The following DENND1A variants were observed in gnomAD, a reference collection of about 807,000 sequenced individuals.
The protein encoded by DENND1A is DENN domain containing 1A, also known as DENN domain-containing protein 1A.
DENND1A carries 51 observed loss-of-function variants against 113.7 expected under a neutral mutation model. The observed-to-expected ratio is 0.45, with a 90% CI of 0.36 to 0.57. The LOEUF (loss-of-function observed/expected upper bound fraction) is 0.57. Ranked by LOEUF, DENND1A falls within the 20% of genes least tolerant of loss-of-function variation. The pLI, the probability that DENND1A is intolerant of heterozygous loss-of-function variation, is 0.00. For missense variants in DENND1A, 1,258 were observed against 1,395.9 expected, an observed-to-expected ratio of 0.90 and a Z score of 1.57; for synonymous variants, 565 against 570.8, an observed-to-expected ratio of 0.99 and a Z score of 0.14.
intron 5 of DENND1A, among the ~76,000 whole-genome samples, chr9:123,709,567 T>C (rs2066451650): frequency 6.6e-6 from 1 of 152,170 alleles, no homozygotes; most frequent in South Asian, 2.1e-4. Flanking sequence ...CTTTAAGTTT[T>C]CCGTAGATCT....
intron 5 of DENND1A, among the ~76,000 whole-genome samples, chr9:123,746,972 A>C (rs2069564475): frequency 1.3e-5 from 2 of 152,184 alleles, no homozygotes; most frequent in African/African-American, 4.8e-5. Flanking sequence ...AGCTCAGCAG[A>C]AAACAGTATA....
At position 123,606,513 on chromosome 9, in the gene DENND1A, C is replaced by T. The variant is rs149206767; in HGVS notation, c.765+2923G>A. Among the ~76,000 whole-genome samples the T allele has an allele frequency of 2.5e-3, 382 of 152,286 alleles. 1 individual carries two copies. The highest frequency in any genetic ancestry group is 8.8e-3 in the African/African-American group (364 of 41,548). On this transcript the variant is annotated intron_variant, in intron 11 of 23. Transcript: ENST00000394215. The stretch of plus-strand genomic sequence containing the variant: ...TCTCAAGTTTCAGCTGCAAAATGTA[C>T]GCATATTTTACACTGCATGTTTTAC...
At chr9:123,465,046 G>A (rs1403673063) in intron 13 of DENND1A, among the ~76,000 whole-genome samples, 2 of 146,286 alleles carry the variant, frequency 1.4e-5, no homozygotes, top group Non-Finnish European at 3.0e-5. Context: ...GTGCAAACCT[G>A]TAGTCCCAGC....
Position 123,483,396 on chromosome 9 carries a change from AC to A in DENND1A, c.994-25500del, listed in dbSNP as rs549825834. ...CCAGTCCTCCCTTGGCTGCCAGATG[AC>A]CCCCACCATGGCAGCCTCCAGGAAC... On this transcript the variant is annotated intron_variant, in intron 13 of 23. Coordinates refer to ENST00000394215, the MANE Select transcript of DENND1A (RefSeq NM_001352964.2). 6.1e-3 allele frequency among the ~76,000 whole-genome samples: 935 copies of A among 152,286 alleles called. 13 individuals carry two copies. The highest frequency in any genetic ancestry group is 0.021 in the African/African-American group (888 of 41,580).
At chr9:123,557,805 A>C in intron 12 of DENND1A, 110 bp from the exon 13 acceptor site, 1 of 1,287,588 alleles carries the variant, frequency 7.8e-7, no homozygotes, top group Non-Finnish European at 1.1e-6. Context: ...GGCAGGATCC[A>C]TTTGATACCT....
chr9:123,606,273 T>A (rs2060150827), intron 11 of DENND1A, among the ~76,000 whole-genome samples: 1 of 152,206 alleles, frequency 6.6e-6, no homozygotes, highest in East Asian at 1.9e-4. Context: ...TCATAAAGTG[T>A]CTTGGCTGGT....
At chr9:123,395,355 TGG>T (rs999443489) in intron 21 of DENND1A, among the ~76,000 whole-genome samples, 1 of 152,000 alleles carries the variant, frequency 6.6e-6, no homozygotes, top group African/African-American at 2.4e-5. Context: ...GGATCCTGGG[TGG>T]GCAGAAGTGA....
At chr9:123,779,476 G>A (rs530598293) in intron 3 of DENND1A, among the ~76,000 whole-genome samples, 16 of 152,160 alleles carry the variant, frequency 1.1e-4, no homozygotes, top group Admixed American at 5.9e-4. Flanking sequence ...CTCCAGCTCC[G>A]GGTTCCTATT....
chr9:123,800,312 T>C (rs537572011), intron 2 of DENND1A, among the ~76,000 whole-genome samples: 1 of 152,346 alleles, frequency 6.6e-6, no homozygotes, highest in East Asian at 1.9e-4. Flanking sequence ...ACTAAACATT[T>C]TTGCAGTAAC....
At chr9:123,715,625 T>C (rs996462428) in intron 5 of DENND1A, among the ~76,000 whole-genome samples, 3 of 152,182 alleles carry the variant, frequency 2.0e-5, no homozygotes, top group African/African-American at 7.2e-5. Flanking sequence ...TCATCAACTA[T>C]ATGTCTAGAG....
At chr9:123,915,377 CAGA>C (rs1253186307) in intron 1 of DENND1A, among the ~76,000 whole-genome samples, 5 of 151,926 alleles carry the variant, frequency 3.3e-5, no homozygotes, top group African/African-American at 7.2e-5. Flanking sequence ...AGACAAATCA[CAGA>C]AGATTTGATT....
chr9:123,694,497 C>T (rs781446372), intron 5 of DENND1A, among the ~76,000 whole-genome samples: 9 of 152,210 alleles, frequency 5.9e-5, no homozygotes, highest in Non-Finnish European at 1.2e-4. Flanking sequence ...TCTGCATAGC[C>T]TAAAGGACAT....
intron 13 of DENND1A, among the ~76,000 whole-genome samples, chr9:123,466,110 T>C (rs1433098485): frequency 6.6e-6 from 1 of 152,166 alleles, no homozygotes; most frequent in Non-Finnish European, 1.5e-5. Context: ...ACCATTCTCC[T>C]GCCTCAGCCT....
chr9:123,900,894 T>C (rs188534499), intron 1 of DENND1A, among the ~76,000 whole-genome samples: 1 of 152,322 alleles, frequency 6.6e-6, no homozygotes, highest in Non-Finnish European at 1.5e-5. Flanking sequence ...ACCTTCTCCA[T>C]AGGATTGTTA....
intron 13 of DENND1A, among the ~76,000 whole-genome samples, chr9:123,470,405 G>A (rs137981959): frequency 5.9e-3 from 159 of 27,134 alleles, no homozygotes; most frequent in African/African-American, 0.018. Flanking sequence ...CCAGATTCCC[G>A]GTTTCAACAC....
intron 2 of DENND1A, among the ~76,000 whole-genome samples, chr9:123,853,373 T>A (rs995997910): frequency 6.6e-6 from 1 of 151,794 alleles, no homozygotes; most frequent in Admixed American, 6.6e-5. Context: ...ACTGAAATTA[T>A]GAGCTCTAGG....
intron 2 of DENND1A, among the ~76,000 whole-genome samples, chr9:123,858,578 C>T (rs1180847872): frequency 6.6e-6 from 1 of 152,014 alleles, no homozygotes; most frequent in Admixed American, 6.6e-5. Context: ...TGCTAGGTGA[C>T]TGGCAGTGGG....
chr9:123,541,535 A>G (rs1467864129), intron 13 of DENND1A, among the ~76,000 whole-genome samples: 2 of 152,252 alleles, frequency 1.3e-5, no homozygotes, highest in African/African-American at 2.4e-5. Flanking sequence ...ATGAGCAAAG[A>G]AAAGTCCCAA....
At chr9:123,860,212 A>G (rs1844862654) in intron 2 of DENND1A, among the ~76,000 whole-genome samples, 1 of 152,190 alleles carries the variant, frequency 6.6e-6, no homozygotes, top group Non-Finnish European at 1.5e-5. Context: ...AAGCCCTTAG[A>G]ACAAATTTTA....
Sources: allele counts gnomAD v4.1 joint callset (sites outside exome capture counted in the v4.1 genomes callset), GRCh38; gene constraint gnomAD v4.1.1; transcripts MANE v1.5; gene names NCBI Gene and HGNC (gene_info 2026-07-23, HGNC 2026-07-21).